Variants in YAF2 observed in about 807,000 individuals in gnomAD.
The protein encoded by YAF2 is YY1-associated factor 2.
Under a neutral mutation model 20.1 loss-of-function variants are expected in YAF2, and 7 were observed. The observed-to-expected ratio is 0.35, with a 90% CI of 0.20 to 0.65. The LOEUF is 0.65. YAF2 is among the 30% of genes least tolerant of loss of function. The pLI is 0.69. For synonymous variants in YAF2, 74 were observed against 76.0 expected, an observed-to-expected ratio of 0.97 and a Z score of 0.14; for missense variants, 151 against 219.2, an observed-to-expected ratio of 0.69 and a Z score of 1.96.
At chr12:42,236,886 C>A (rs987069636) in intron 2 of YAF2, among the ~76,000 whole-genome samples, 11 of 152,142 alleles carry the variant, frequency 7.2e-5, no homozygotes, top group Non-Finnish European at 1.2e-4. Flanking sequence ...TCACTTAATT[C>A]AAAGTCATTT....
intron 2 of YAF2, among the ~76,000 whole-genome samples, chr12:42,185,233 A>G (rs1185251282): frequency 3.9e-5 from 6 of 152,148 alleles, no homozygotes; most frequent in Non-Finnish European, 8.8e-5. Flanking sequence ...GTGGAACAAG[A>G]AGATGTGACT....
intron 2 of YAF2, among the ~76,000 whole-genome samples, chr12:42,209,340 G>A (rs988585072): frequency 3.3e-5 from 5 of 151,496 alleles, no homozygotes. Flanking sequence ...AAGGTGGGCA[G>A]ATCATTTGAG....
chr12:42,228,596 A>T (rs71453341), intron 2 of YAF2, among the ~76,000 whole-genome samples: 2 of 53,548 alleles, frequency 3.7e-5, no homozygotes, highest in African/African-American at 1.1e-4. Context: ...CCGCCCCGTC[A>T]GGGAGGGAGG....
At chr12:42,162,561 G>A (rs189185939) in intron 2 of YAF2, among the ~76,000 whole-genome samples, 2 of 152,274 alleles carry the variant, frequency 1.3e-5, no homozygotes, top group Admixed American at 6.5e-5. Context: ...AAGAGGCAGA[G>A]GGAAGGAGGG....
Position 42,170,111 on chromosome 12 carries a change from A to G in YAF2, c.153-8346T>C, listed in dbSNP as rs117269595. Reference sequence around the variant, plus strand: ...AGTCTCAAACTCCTGAGGTCAAGCAATCCTCCTGCCTCAGCCTCCCAAAGT... The same window carrying G: ...AGTCTCAAACTCCTGAGGTCAAGCAGTCCTCCTGCCTCAGCCTCCCAAAGT... On this transcript the variant is annotated intron_variant, in intron 2 of 3. Transcript: ENST00000534854. Among the ~76,000 whole-genome samples the G allele has an allele frequency of 5.9e-3, 890 of 152,116 alleles. 18 individuals carry two copies. Among genetic ancestry groups the G allele is most frequent in the East Asian group, 0.029 (150 of 5,164 alleles).
Position 42,157,781 on chromosome 12 carries a change from T to C in YAF2, c.*2808A>G, listed in dbSNP as rs950578050. ...ATTATATTCACTTTTTAAATATACA[T>C]ATATATATATATGTATATTCAAATT... On this transcript the variant is annotated 3_prime_UTR_variant, in exon 4 of 4. Coordinates refer to ENST00000534854, the MANE Select transcript of YAF2 (RefSeq NM_005748.6). 1 of 150,752 alleles carries C rather than the reference T, an allele frequency of 6.6e-6. No individual in the cohort carries two copies. The highest frequency in any genetic ancestry group is 6.6e-5 in the Admixed American group (1 of 15,078). 9.3% of individuals were successfully genotyped at this position (150,752 alleles called of 1,614,324 possible).
chr12:42,172,966 G>C (rs958077685), intron 2 of YAF2, among the ~76,000 whole-genome samples: 1 of 152,132 alleles, frequency 6.6e-6, no homozygotes, highest in Non-Finnish European at 1.5e-5. Context: ...ACAGGAAGTA[G>C]ACCTGTGGTT....
intron 2 of YAF2, among the ~76,000 whole-genome samples, chr12:42,216,723 A>T (rs919900488): frequency 6.6e-5 from 10 of 152,180 alleles, no homozygotes; most frequent in African/African-American, 2.4e-4. Context: ...TACCCAACAT[A>T]TCCAAACTGC....
At chr12:42,229,639 TTTCA>T (rs2067916971) in intron 2 of YAF2, among the ~76,000 whole-genome samples, 1 of 152,178 alleles carries the variant, frequency 6.6e-6, no homozygotes, top group Admixed American at 6.5e-5. Context: ...CGTTAGGTGA[TTTCA>T]TTGTCAGAAC....
chr12:42,236,063 G>A, intron 2 of YAF2: 4 of 1,514,060 alleles, frequency 2.6e-6, no homozygotes, highest in Admixed American at 2.1e-5. Context: ...AAAATAGAGA[G>A]GGAACAACAA....
intron 2 of YAF2, among the ~76,000 whole-genome samples, chr12:42,175,530 A>G (rs1170479918): frequency 4.9e-4 from 1 of 2,032 alleles, no homozygotes; most frequent in Non-Finnish European, 8.5e-4. Flanking sequence ...TGTCAATTAT[A>G]CCTCAAAAAA....
chr12:42,227,376 T>C (rs1364248935), intron 2 of YAF2, among the ~76,000 whole-genome samples: 20 of 59,284 alleles, frequency 3.4e-4, no homozygotes, highest in Non-Finnish European at 4.0e-4. Context: ...CCGGCCGCCA[T>C]CCCATCTAGG....
intron 2 of YAF2, among the ~76,000 whole-genome samples, chr12:42,206,509 T>TGAGGCTG (rs2067046481): frequency 6.6e-6 from 1 of 151,676 alleles, no homozygotes; most frequent in Non-Finnish European, 1.5e-5. Context: ...CTCGTGAGGC[T>TGAGGCTG]GAGGCTGGAG....
chr12:42,163,882 C>G lies in YAF2; in HGVS notation c.153-2117G>C, dbSNP rs537449010. On this transcript the variant is annotated intron_variant, in intron 2 of 3. Transcript: ENST00000534854. ...TATTAAAAATAAAGCCCTTCTATCT[C>G]CAGGTATCTTAAGGTTTGTGATCCC... Among the ~76,000 whole-genome samples, 292 of 152,254 alleles carry G rather than the reference C, an allele frequency of 1.9e-3. 1 individual carries two copies. The highest frequency in any genetic ancestry group is 6.6e-3 in the African/African-American group (274 of 41,560).
intron 2 of YAF2, among the ~76,000 whole-genome samples, chr12:42,193,996 T>G (rs868683299): frequency 3.9e-5 from 6 of 152,136 alleles, no homozygotes; most frequent in Non-Finnish European, 1.5e-5. Flanking sequence ...AATTTTTGAA[T>G]GGAGAAAGCA....
chr12:42,169,337 C>A lies in YAF2; in HGVS notation c.153-7572G>T, dbSNP rs139711101. On this transcript the variant is annotated intron_variant, in intron 2 of 3. Transcript: ENST00000534854. ...CTCAGTCATCTTATATCTAAACTGGCTCCTCTTAGAACTTCCTCTTCCAGC... is the reference window on the plus strand; with the variant it reads ...CTCAGTCATCTTATATCTAAACTGGATCCTCTTAGAACTTCCTCTTCCAGC... Among the ~76,000 whole-genome samples, 7 of 152,284 alleles carry A rather than the reference C, an allele frequency of 4.6e-5. No homozygotes were observed. The East Asian group carries it at 1.3e-3, about 29-fold the overall frequency.
At chr12:42,204,539 A>G (rs944942681) in intron 2 of YAF2, among the ~76,000 whole-genome samples, 2 of 152,240 alleles carry the variant, frequency 1.3e-5, no homozygotes, top group Non-Finnish European at 2.9e-5. Flanking sequence ...CATAGGTTAT[A>G]TGCAAATACT....
At chr12:42,167,679 G>C (rs958749394) in intron 2 of YAF2, among the ~76,000 whole-genome samples, 4 of 151,966 alleles carry the variant, frequency 2.6e-5, no homozygotes, top group African/African-American at 9.7e-5. Context: ...AATATAAATA[G>C]CACACAACAG....
intron 3 of YAF2, chr12:42,161,083 T>C (rs556920812): frequency 6.5e-5 from 28 of 433,250 alleles, no homozygotes; most frequent in African/African-American, 5.3e-4. Flanking sequence ...TATAGCTGTA[T>C]CATAATTTTG....
Sources: gnomAD v4.1 joint callset for allele counts (sites outside exome capture counted in the v4.1 genomes callset) on GRCh38, gnomAD v4.1.1 for gene constraint, MANE v1.5 for transcripts, NCBI Gene and HGNC (gene_info 2026-07-23, HGNC 2026-07-21) for gene names.